ANKS6: variants seen among roughly 807,000 people sequenced by gnomAD.
The protein encoded by ANKS6 is ankyrin repeat and sterile alpha motif domain containing 6.
Under a neutral mutation model 77.9 loss-of-function variants are expected in ANKS6, and 47 were observed. The ratio of observed to expected loss-of-function variants is 0.60; its 90% CI spans 0.48 to 0.77. ANKS6 has a LOEUF of 0.77. Among genes scored for constraint, ANKS6 ranks in the 30% least tolerant of loss-of-function variants. ANKS6 has a pLI of 0.00. For synonymous variants in ANKS6, 488 were observed against 501.7 expected (o/e 0.97, Z 0.37); for missense variants, 1,150 against 1,159.1 (o/e 0.99, Z 0.11).
intron 9 of ANKS6, among the ~76,000 whole-genome samples, chr9:98,772,208 T>C (rs1369043025): frequency 1.3e-5 from 2 of 152,182 alleles, no homozygotes; most frequent in Admixed American, 1.3e-4. Context: ...TCCTGGATTA[T>C]CCAGGTGGGC....
intron 14 of ANKS6, among the ~76,000 whole-genome samples, chr9:98,741,324 G>A (rs116069433): frequency 0.013 from 1,979 of 152,200 alleles, 15 homozygotes; most frequent in Middle Eastern, 0.041. Flanking sequence ...TGTGGTGATG[G>A]GTGCTTATAA....
intron 9 of ANKS6, among the ~76,000 whole-genome samples, chr9:98,771,896 C>T (rs538939853): frequency 6.6e-6 from 1 of 152,302 alleles, no homozygotes; most frequent in African/African-American, 2.4e-5. Flanking sequence ...CTTACCATGG[C>T]TTGTGAGTGT....
chr9:98,786,777 A>T (rs1398162040), intron 2 of ANKS6, among the ~76,000 whole-genome samples: 1 of 152,212 alleles, frequency 6.6e-6, no homozygotes, highest in Non-Finnish European at 1.5e-5. Context: ...AGACCTTTTC[A>T]CAGAAAAGAG....
chr9:98,782,694 G>A, intron 4 of ANKS6, 121 bp from the exon 5 acceptor site: 1 of 731,164 alleles, frequency 1.4e-6, no homozygotes, highest in Non-Finnish European at 2.4e-6. Flanking sequence ...ACATGGAAGG[G>A]CAAACAGTCT....
intron 13 of ANKS6, among the ~76,000 whole-genome samples, chr9:98,747,493 C>G (rs1024336836): frequency 6.6e-6 from 1 of 152,136 alleles, no homozygotes; most frequent in Non-Finnish European, 1.5e-5. Flanking sequence ...TCTCTGGCAA[C>G]AGTAAGCTCC....
In ANKS6 at chr9:98,780,242, C is replaced by T; in HGVS notation, c.1315G>A (p.Val439Ile). 6.2e-7 allele frequency: 1 copy of T among 1,614,004 alleles called. No homozygotes were observed. Among genetic ancestry groups the T allele is most frequent in the African/African-American group, 1.3e-5 (1 of 75,054 alleles). Residue 439 changes from valine (V) to isoleucine (I), a missense_variant, in exon 6 of 15, where the codon GTC (valine) becomes ATC (isoleucine). Coordinates refer to ENST00000353234, the MANE Select transcript of ANKS6 (RefSeq NM_173551.5). The stretch of plus-strand genomic sequence containing the variant: ...ACTGGGATGCTCCAGGGCTGTCGGA[C>T]CTTCGAGTGGGGCAGGGGAGGCTGG... ...SHQPPLPHSK[V>I]RQPWSIPVLP...
At chr9:98,771,700 C>T (rs1363675966) in intron 9 of ANKS6, among the ~76,000 whole-genome samples, 7 of 152,060 alleles carry the variant, frequency 4.6e-5, no homozygotes, top group Non-Finnish European at 1.0e-4. Flanking sequence ...CCGGCGGCTC[C>T]CCCCCATCCT....
rs890880447 is a variant in ANKS6, at chr9:98,733,120, G to C, written c.*3399C>G. The stretch of plus-strand genomic sequence containing the variant: ...ATACTGTGGGGTTCCCTTGAGGGCA[G>C]AGAAGTCCTTTTTCATCTTTGGAGA... On this transcript the variant is annotated 3_prime_UTR_variant, in exon 15 of 15. Coordinates refer to ENST00000353234, the MANE Select transcript of ANKS6 (RefSeq NM_173551.5). 1.1e-6 allele frequency: 1 copy of C among 922,580 alleles called. No individual in the cohort carries two copies. Among genetic ancestry groups the C allele is most frequent in the Non-Finnish European group, 1.3e-6 (1 of 772,790 alleles). 57.1% of individuals were successfully genotyped at this position (922,580 alleles called of 1,614,324 possible).
chr9:98,781,968 G>A (rs1250307421), intron 5 of ANKS6, among the ~76,000 whole-genome samples: 1 of 152,146 alleles, frequency 6.6e-6, no homozygotes, highest in Admixed American at 6.5e-5. Context: ...GGTCAAAGGG[G>A]AGTAGCAGGT....
At position 98,778,316 on chromosome 9, in the gene ANKS6, G is replaced by A. The variant is rs1275367273; in HGVS notation, c.1477C>T (p.Pro493Ser). 2 of 1,614,062 alleles carry A rather than the reference G, an allele frequency of 1.2e-6. No homozygotes were observed. Among genetic ancestry groups the A allele is most frequent in the East Asian group, 4.5e-5 (2 of 44,900 alleles). Residue 493 changes from proline (P) to serine (S), a missense_variant, in exon 7 of 15, where the codon CCA becomes TCA. Coordinates refer to ENST00000353234, the MANE Select transcript of ANKS6 (RefSeq NM_173551.5). The stretch of plus-strand genomic sequence containing the variant: ...GCCCTCATTGTGGAGTCCAGAGCTG[G>A]CTCAGGCTCGTCAGAGAAAGGCAAA... ...QPLPFSDEPEPALDSTMRAAP... is the reference protein window; with the variant it reads ...QPLPFSDEPESALDSTMRAAP...
At chr9:98,775,747 G>T (rs752430922) in intron 8 of ANKS6, among the ~76,000 whole-genome samples, 1 of 152,166 alleles carries the variant, frequency 6.6e-6, no homozygotes, top group East Asian at 1.9e-4. Context: ...GATCAGGGAT[G>T]AATTTATTTT....
At chr9:98,745,798 T>C (rs773735678) in intron 13 of ANKS6, 123 bp from the exon 14 acceptor site, 3 of 718,838 alleles carry the variant, frequency 4.2e-6, no homozygotes, top group Non-Finnish European at 4.9e-6. Context: ...GATGATTTAC[T>C]ACTTCTAAGT....
chr9:98,781,285 A>G (rs1270264658), intron 5 of ANKS6, among the ~76,000 whole-genome samples: 2 of 152,208 alleles, frequency 1.3e-5, no homozygotes. Context: ...AAAACCCAGT[A>G]GGCAAAATAT....
Position 98,774,055 on chromosome 9 carries a change from C to G in ANKS6, c.1643G>C (p.Arg548Thr). 1.9e-6 allele frequency: 3 copies of G among 1,539,846 alleles called. No individual in the cohort carries two copies. The highest frequency in any genetic ancestry group is 2.6e-6 in the Non-Finnish European group (3 of 1,140,544). The change falls in exon 9 of 15, where the codon AGA becomes ACA. Residue 548 changes from arginine to threonine, a missense_variant. By Grantham distance (71) the Arg-to-Thr change is moderately conservative. Transcript: ENST00000353234. ...TMLRNGAPLTRLPSDKLKAVI... is the reference protein window; with the variant it reads ...TMLRNGAPLTTLPSDKLKAVI... ...TGCTTTCAGCTTGTCACTCGGGAGT[C>G]TGGTGAGGGGAGCTCCGTTTCGAAG... is the stretch of plus-strand genomic sequence containing the variant.
chr9:98,776,782 G>A (rs967888886), intron 8 of ANKS6, among the ~76,000 whole-genome samples: 3 of 152,186 alleles, frequency 2.0e-5, no homozygotes, highest in Non-Finnish European at 4.4e-5. Flanking sequence ...CTGGAATGAG[G>A]CCGTCATGGG....
chr9:98,733,080 A>G lies in ANKS6; in HGVS notation c.*3439T>C. ...ATCACCACACCATCTCACCGACATG[A>G]TTGTCTCCTCTAAGATACTGTGGGG... On this transcript the variant is annotated 3_prime_UTR_variant, in exon 15 of 15. Transcript: ENST00000353234. 2 of 820,834 alleles carry G rather than the reference A, an allele frequency of 2.4e-6. No homozygotes were observed. The highest frequency in any genetic ancestry group is 1.1e-4 in the South Asian group (2 of 18,418). 50.8% of individuals were successfully genotyped at this position (820,834 alleles called of 1,614,324 possible).
At chr9:98,759,497 G>C (rs890672035) in intron 11 of ANKS6, among the ~76,000 whole-genome samples, 10 of 152,210 alleles carry the variant, frequency 6.6e-5, no homozygotes, top group African/African-American at 2.4e-4. Flanking sequence ...CCCCACTTCA[G>C]ATGCCAACTG....
Position 98,734,137 on chromosome 9 carries a change from C to T in ANKS6, c.*2382G>A. ...CCTACCAGCCGCATCCAAACATCCC[C>T]AGAAAGGGTGCCAGGGACCTCTTGT... On this transcript the variant is annotated 3_prime_UTR_variant, in exon 15 of 15. Coordinates refer to ENST00000353234, the MANE Select transcript of ANKS6 (RefSeq NM_173551.5). 1 of 985,554 alleles carries T rather than the reference C, an allele frequency of 1.0e-6. No homozygotes were observed. Among genetic ancestry groups the T allele is most frequent in the Non-Finnish European group, 1.2e-6 (1 of 830,030 alleles). 61.1% of individuals were successfully genotyped at this position (985,554 alleles called of 1,614,324 possible). A position where few individuals can be genotyped will look rare whatever the true frequency, so the allele number is the denominator to read the frequency against.
rs199554299 is a variant in ANKS6 at position 98,768,243 on chromosome 9, G to A, written c.1980C>T (p.Ser660=). 6 of 1,613,880 alleles carry A rather than the reference G, an allele frequency of 3.7e-6. No homozygotes were observed. The highest frequency in any genetic ancestry group is 5.1e-6 in the Non-Finnish European group (6 of 1,180,044). Residue 660 remains serine (S), a synonymous_variant, in exon 11 of 15, where the codon AGC becomes AGT. Coordinates refer to ENST00000353234, the MANE Select transcript of ANKS6 (RefSeq NM_173551.5). Reference sequence around the variant, plus strand: ...CGATTTGGGACAAGACATTGTCTATGCTGCCACCTGAGGAAACACAAAATG... The same window carrying A: ...CGATTTGGGACAAGACATTGTCTATACTGCCACCTGAGGAAACACAAAATG... ...GGELLNRSGG[S]IDNVLSQIAA...
Sources: gnomAD v4.1 joint callset for allele counts (sites outside exome capture counted in the v4.1 genomes callset) on GRCh38, gnomAD v4.1.1 for gene constraint, MANE v1.5 for transcripts, NCBI Gene and HGNC (gene_info 2026-07-23, HGNC 2026-07-21) for gene names.